Variants in MOB3B observed in about 807,000 individuals in gnomAD.
The protein encoded by MOB3B is MOB kinase activator-like 2B.
Under a neutral mutation model 18.7 loss-of-function variants are expected in MOB3B, and 7 were observed. The observed-to-expected ratio is 0.37, with a 90% CI of 0.21 to 0.70. The LOEUF is 0.70. Ranked by LOEUF, MOB3B falls within the 30% of genes least tolerant of loss-of-function variation. The probability of loss-of-function intolerance (pLI) is 0.52; values close to 1 mark genes in which losing one functional copy is unlikely to be tolerated. For missense variants in MOB3B, 253 were observed against 281.3 expected (o/e 0.90, Z 0.72); for synonymous variants, 111 against 99.9 (o/e 1.11, Z -0.66).
chr9:27,411,834 T>C lies in MOB3B; in HGVS notation c.418+43299A>G, dbSNP rs554810554. Among the ~76,000 whole-genome samples, 238 of 152,294 alleles carry C rather than the reference T, an allele frequency of 1.6e-3. 1 individual carries two copies. Among genetic ancestry groups the C allele is most frequent in the African/African-American group, 5.5e-3 (227 of 41,558 alleles). On this transcript the variant is annotated intron_variant, in intron 2 of 3. Coordinates refer to ENST00000262244, the MANE Select transcript of MOB3B (RefSeq NM_024761.5). ...CAACCCTAATGTAAACTATGGACTTTAGCTAATAATAACAAATCAATTTTG... is the reference window on the plus strand; with the variant it reads ...CAACCCTAATGTAAACTATGGACTTCAGCTAATAATAACAAATCAATTTTG...
intron 2 of MOB3B, among the ~76,000 whole-genome samples, chr9:27,418,091 C>CAAAAAAAAAA (rs57850999): frequency 7.0e-4 from 31 of 44,074 alleles, no homozygotes; most frequent in African/African-American, 1.2e-3. Flanking sequence ...GACTCCACCT[C>CAAAAAAAAAA]AAAAAAAAAA....
chr9:27,364,764 T>C (rs1471215700), intron 2 of MOB3B, among the ~76,000 whole-genome samples: 1 of 140,950 alleles, frequency 7.1e-6, no homozygotes, highest in Non-Finnish European at 1.5e-5. Context: ...CTTACTGCCT[T>C]GCAGTATTCT....
chr9:27,430,804 A>G (rs551106470), intron 2 of MOB3B, among the ~76,000 whole-genome samples: 96 of 152,234 alleles, frequency 6.3e-4, no homozygotes, highest in Non-Finnish European at 1.2e-3. Context: ...TTTCTGTGAA[A>G]GTAGGCGCAA....
chr9:27,490,312 C>T, intron 1 of MOB3B, among the ~76,000 whole-genome samples: 1 of 152,120 alleles, frequency 6.6e-6, no homozygotes, highest in East Asian at 1.9e-4. Flanking sequence ...CCTAAAGGTG[C>T]TCATGGTTTA....
At chr9:27,359,388 G>GA in intron 2 of MOB3B, 152 bp from the exon 3 acceptor site, 1 of 600,398 alleles carries the variant, frequency 1.7e-6, no homozygotes, top group South Asian at 2.0e-5. Context: ...TGGGGGGGGG[G>GA]GGTTGGTAGC....
intron 2 of MOB3B, among the ~76,000 whole-genome samples, chr9:27,383,620 A>T (rs1433004062): frequency 2.0e-5 from 3 of 152,188 alleles, no homozygotes; most frequent in Non-Finnish European, 4.4e-5. Context: ...GTGTAGAGGG[A>T]TAACTAGTCC....
At chr9:27,467,719 TCCTGCGAAGTG>T (rs1279194567) in intron 1 of MOB3B, among the ~76,000 whole-genome samples, 1 of 152,226 alleles carries the variant, frequency 6.6e-6, no homozygotes, top group Non-Finnish European at 1.5e-5. Flanking sequence ...CCTTTTTTCC[TCCTGCGAAGTG>T]CCTGCTTTCA....
intron 2 of MOB3B, 68 bp downstream of exon 2, chr9:27,455,065 A>G (rs945134094): frequency 1.0e-5 from 16 of 1,557,008 alleles, no homozygotes; most frequent in Non-Finnish European, 1.4e-5. Flanking sequence ...ATTCAAAGGC[A>G]GTCTGCAAAT....
At chr9:27,529,414 A>C in intron 1 of MOB3B, 141 bp downstream of exon 1, 2 of 384,056 alleles carry the variant, frequency 5.2e-6, no homozygotes, top group Non-Finnish European at 7.1e-6. Flanking sequence ...GGCGGGCAGA[A>C]GACCGGTCCG....
chr9:27,349,306 T>C lies in MOB3B; in HGVS notation c.621+9728A>G, dbSNP rs115395474. Among the ~76,000 whole-genome samples, 1,215 of 152,348 alleles carry C rather than the reference T, an allele frequency of 8.0e-3. 18 individuals carry two copies. Among genetic ancestry groups the C allele is most frequent in the African/African-American group, 0.028 (1,165 of 41,570 alleles). On this transcript the variant is annotated intron_variant, in intron 3 of 3. Coordinates refer to ENST00000262244, the MANE Select transcript of MOB3B (RefSeq NM_024761.5). ...CCACACAAGTCCCTAGGCTAGGTAC[T>C]GCCTGTAACCTGCCTTATCTTCATG...
In MOB3B at chr9:27,386,111, T is replaced by G. The variant is rs973543754; in HGVS notation, c.419-26875A>C. 2.0e-5 allele frequency among the ~76,000 whole-genome samples: 3 copies of G among 152,220 alleles called. No homozygotes were observed. The East Asian group carries it at 5.8e-4, about 29-fold the overall frequency. On this transcript the variant is annotated intron_variant, in intron 2 of 3. Transcript: ENST00000262244. ...ATAGTCATAGGCAGGAGGCAGCTCA[T>G]AGAAGACACTGGGTGCCCAAGAATG...
At chr9:27,366,263 C>T (rs553452792) in intron 2 of MOB3B, among the ~76,000 whole-genome samples, 4 of 152,310 alleles carry the variant, frequency 2.6e-5, no homozygotes, top group East Asian at 3.9e-4. Context: ...AGAGCTAAAT[C>T]GAGTATGAAA....
chr9:27,501,883 A>G (rs1819997739), intron 1 of MOB3B, among the ~76,000 whole-genome samples: 1 of 152,178 alleles, frequency 6.6e-6, no homozygotes. Context: ...TGTTTACTTG[A>G]CAAAAAAAAG....
At chr9:27,416,383 G>A (rs1301823504) in intron 2 of MOB3B, among the ~76,000 whole-genome samples, 1 of 152,036 alleles carries the variant, frequency 6.6e-6, no homozygotes, top group African/African-American at 2.4e-5. Flanking sequence ...GGATTTTTAG[G>A]AAGTTTAAAA....
intron 1 of MOB3B, among the ~76,000 whole-genome samples, chr9:27,462,651 G>C (rs79938708): frequency 6.6e-6 from 1 of 152,142 alleles, no homozygotes; most frequent in African/African-American, 2.4e-5. Flanking sequence ...TTGAAACAGC[G>C]TATGTCAATC....
chr9:27,514,345 CAAAAAAAAAAAA>C (rs34526085), intron 1 of MOB3B, among the ~76,000 whole-genome samples: 5 of 77,638 alleles, frequency 6.4e-5, no homozygotes, highest in Non-Finnish European at 1.2e-4. Context: ...ACCACAAGCT[CAAAAAAAAAAAA>C]AAAAAAAAAA....
chr9:27,371,331 G>A (rs1399911470), intron 2 of MOB3B, among the ~76,000 whole-genome samples: 2 of 152,210 alleles, frequency 1.3e-5, no homozygotes, highest in African/African-American at 4.8e-5. Context: ...AAATGAACCT[G>A]AGATAGGAAT....
At chr9:27,513,235 A>G (rs1820172681) in intron 1 of MOB3B, among the ~76,000 whole-genome samples, 1 of 152,130 alleles carries the variant, frequency 6.6e-6, no homozygotes, top group Admixed American at 6.5e-5. Context: ...ACGTACTAAC[A>G]ACCTACTTCA....
intron 2 of MOB3B, among the ~76,000 whole-genome samples, chr9:27,393,928 G>A (rs897869468): frequency 2.0e-5 from 3 of 152,068 alleles, no homozygotes; most frequent in African/African-American, 7.2e-5. Context: ...AGATCTTATT[G>A]AACACTCATG....
Sources: allele counts gnomAD v4.1 joint callset (sites outside exome capture counted in the v4.1 genomes callset), GRCh38; gene constraint gnomAD v4.1.1; transcripts MANE v1.5; gene names NCBI Gene and HGNC (gene_info 2026-07-23, HGNC 2026-07-21).